Variants in CADM2 observed in about 807,000 individuals in gnomAD.
CADM2 encodes cell adhesion molecule 2, also known as immunoglobulin superfamily member 4D.
A neutral mutation model predicts 49.8 loss-of-function variants in CADM2; 12 were observed. That is an observed-to-expected ratio of 0.24 (90% confidence interval 0.15 to 0.39). CADM2 has a LOEUF of 0.39. Ranked by LOEUF, CADM2 falls within the 10% of genes least tolerant of loss-of-function variation. CADM2 has a pLI of 1.00. For missense variants in CADM2, 378 were observed against 492.3 expected (o/e 0.77, Z 2.20); for synonymous variants, 214 against 175.4 (o/e 1.22, Z -1.74).
chr3:85,070,932 T>C (rs760292531), intron 1 of CADM2, among the ~76,000 whole-genome samples: 3 of 151,660 alleles, frequency 2.0e-5, no homozygotes, highest in Non-Finnish European at 4.4e-5. Context: ...GAAGTTGCAG[T>C]GAGCCGAGAT....
chr3:85,170,804 A>C (rs1369400940), intron 1 of CADM2, among the ~76,000 whole-genome samples: 2 of 152,186 alleles, frequency 1.3e-5, no homozygotes, highest in East Asian at 3.9e-4. Context: ...TACTTGAATA[A>C]CTTGGTTGTG....
intron 1 of CADM2, among the ~76,000 whole-genome samples, chr3:85,411,223 G>C: frequency 6.6e-6 from 1 of 152,152 alleles, no homozygotes; most frequent in East Asian, 1.9e-4. Context: ...TACTCTAGGG[G>C]TCTTATTAGA....
chr3:85,340,560 T>C (rs2045212828), intron 1 of CADM2, among the ~76,000 whole-genome samples: 2 of 151,596 alleles, frequency 1.3e-5, no homozygotes, highest in South Asian at 4.1e-4. Flanking sequence ...TATTAATTAG[T>C]GCGTAGGTGT....
chr3:85,096,947 G>T (rs939942150), intron 1 of CADM2, among the ~76,000 whole-genome samples: 1 of 152,136 alleles, frequency 6.6e-6, no homozygotes, highest in East Asian at 1.9e-4. Context: ...TAGGAAAGAT[G>T]TTGGAAATGC....
At chr3:85,842,742 G>C (rs561009283) in intron 3 of CADM2, among the ~76,000 whole-genome samples, 1 of 152,158 alleles carries the variant, frequency 6.6e-6, no homozygotes, top group East Asian at 1.9e-4. Flanking sequence ...ATTAAACTTA[G>C]TCTTATGTCT....
intron 1 of CADM2, among the ~76,000 whole-genome samples, chr3:85,617,825 T>C (rs193098790): frequency 1.6e-4 from 24 of 152,264 alleles, no homozygotes; most frequent in African/African-American, 5.8e-4. Flanking sequence ...GAAAACCAAA[T>C]ATACATTTCA....
intron 8 of CADM2, among the ~76,000 whole-genome samples, chr3:86,026,631 C>G (rs1346819310): frequency 6.6e-6 from 1 of 152,146 alleles, no homozygotes; most frequent in African/African-American, 2.4e-5. Context: ...GCCTATTCAT[C>G]CTTCAAAACC....
intron 1 of CADM2, among the ~76,000 whole-genome samples, chr3:85,521,168 C>T (rs1284741694): frequency 6.6e-6 from 1 of 152,094 alleles, no homozygotes; most frequent in East Asian, 1.9e-4. Flanking sequence ...AAAAATGAAA[C>T]TCTAGGAATA....
intron 1 of CADM2, among the ~76,000 whole-genome samples, chr3:85,473,049 C>T (rs768412841): frequency 3.3e-5 from 5 of 151,902 alleles, no homozygotes; most frequent in Non-Finnish European, 7.4e-5. Context: ...TTCTTATATG[C>T]AAAACAGAAT....
intron 1 of CADM2, among the ~76,000 whole-genome samples, chr3:85,356,335 G>A (rs973122745): frequency 1.3e-5 from 2 of 152,046 alleles, no homozygotes; most frequent in African/African-American, 4.8e-5. Flanking sequence ...CTAGGGAGTT[G>A]CAGAGAAGGA....
chr3:85,444,930 G>C (rs1160655795), intron 1 of CADM2, among the ~76,000 whole-genome samples: 1 of 152,026 alleles, frequency 6.6e-6, no homozygotes, highest in Admixed American at 6.6e-5. Context: ...TCTTGAATCT[G>C]AGTGAGTAGA....
At chr3:85,233,664 T>A (rs2042348811) in intron 1 of CADM2, among the ~76,000 whole-genome samples, 1 of 152,154 alleles carries the variant, frequency 6.6e-6, no homozygotes, top group African/African-American at 2.4e-5. Flanking sequence ...ATTTAATCAA[T>A]TTTATTGAAA....
chr3:85,162,717 T>C (rs1374244188), intron 1 of CADM2, among the ~76,000 whole-genome samples: 4 of 152,094 alleles, frequency 2.6e-5, no homozygotes, highest in Non-Finnish European at 4.4e-5. Context: ...TATGTTATGG[T>C]CTTACATGGA....
intron 1 of CADM2, among the ~76,000 whole-genome samples, chr3:85,332,800 A>T (rs991964494): frequency 6.6e-6 from 1 of 151,808 alleles, no homozygotes; most frequent in Non-Finnish European, 1.5e-5. Context: ...CTAGTTTGCA[A>T]GTAGATTGAA....
chr3:85,537,285 T>C (rs186580168), intron 1 of CADM2, among the ~76,000 whole-genome samples: 1 of 152,234 alleles, frequency 6.6e-6, no homozygotes, highest in Admixed American at 6.5e-5. Flanking sequence ...TATCAAAATA[T>C]TCAGGCTATG....
chr3:85,212,865 TC>T (rs1559723785), intron 1 of CADM2, among the ~76,000 whole-genome samples: 23 of 133,388 alleles, frequency 1.7e-4, no homozygotes, highest in African/African-American at 7.2e-4. Flanking sequence ...TTTCTTTCTT[TC>T]TTTCTTTCTT....
At chr3:85,636,519 G>T (rs1429578557) in intron 1 of CADM2, among the ~76,000 whole-genome samples, 3 of 151,974 alleles carry the variant, frequency 2.0e-5, no homozygotes, top group Non-Finnish European at 4.4e-5. Context: ...TATTTTTAAA[G>T]ATAGAAAATT....
chr3:85,109,441 T>C (rs1429174860), intron 1 of CADM2, among the ~76,000 whole-genome samples: 1 of 151,402 alleles, frequency 6.6e-6, no homozygotes, highest in Non-Finnish European at 1.5e-5. Flanking sequence ...TTTTGAAAGA[T>C]AGAAAAGTAG....
chr3:85,990,361 C>G (rs1355894606), intron 8 of CADM2, among the ~76,000 whole-genome samples: 2 of 152,076 alleles, frequency 1.3e-5, no homozygotes, highest in African/African-American at 4.8e-5. Context: ...TTCAGGTAGG[C>G]TAGGCTAAAC....
Sources: allele counts gnomAD v4.1 joint callset (sites outside exome capture counted in the v4.1 genomes callset), GRCh38; gene constraint gnomAD v4.1.1; transcripts MANE v1.5; gene names NCBI Gene and HGNC (gene_info 2026-07-23, HGNC 2026-07-21).